The following ROBO1 variants were observed in gnomAD, a reference collection of about 807,000 sequenced individuals.
ROBO1 encodes roundabout guidance receptor 1.
In ROBO1, 149 loss-of-function variants were observed where a neutral mutation model predicts 195.9. That is an observed-to-expected ratio of 0.76 (90% CI 0.67 to 0.87). The LOEUF (loss-of-function observed/expected upper bound fraction) is 0.87, where lower values mean the gene tolerates loss of function less well. Ranked by LOEUF, ROBO1 falls within the 40% of genes least tolerant of loss-of-function variation. The pLI is 0.00. For synonymous variants in ROBO1, 816 were observed against 733.2 expected, an observed-to-expected ratio of 1.11 and a Z score of -1.82; for missense variants, 1,933 against 2,068.3, an observed-to-expected ratio of 0.93 and a Z score of 1.27.
At chr3:79,722,344 A>G (rs760892609) in intron 1 of ROBO1, among the ~76,000 whole-genome samples, 6 of 152,328 alleles carry the variant, frequency 3.9e-5, no homozygotes, top group Non-Finnish European at 7.3e-5. Flanking sequence ...ATTTCCAGCT[A>G]TCATTTTATT....
chr3:78,774,117 G>A (rs1452801104), intron 4 of ROBO1, among the ~76,000 whole-genome samples: 5 of 152,202 alleles, frequency 3.3e-5, no homozygotes, highest in Non-Finnish European at 7.3e-5. Context: ...AGCAGGATAT[G>A]TGAAATTCCT....
At position 78,876,847 on chromosome 3, in the gene ROBO1, A is replaced by G. The variant is rs78669261; in HGVS notation, c.499+61754T>C. On this transcript the variant is annotated intron_variant, in intron 4 of 30. Transcript: ENST00000464233. ...AATAGATACGTGAAGACTCTAAACC[A>G]AAGGTGTATCTTTAAAATTCCACTA... 6.6e-3 allele frequency among the ~76,000 whole-genome samples: 1,011 copies of G among 152,264 alleles called. 14 individuals carry two copies. Among genetic ancestry groups the G allele is most frequent in the African/African-American group, 0.023 (963 of 41,560 alleles).
chr3:79,623,660 AGAAAT>A (rs2107989777), intron 1 of ROBO1, among the ~76,000 whole-genome samples: 1 of 152,280 alleles, frequency 6.6e-6, no homozygotes, highest in South Asian at 2.1e-4. Context: ...AAGAATGAAA[AGAAAT>A]GAACAAAGAC....
At chr3:79,625,542 C>T (rs1294172632) in intron 1 of ROBO1, among the ~76,000 whole-genome samples, 1 of 151,094 alleles carries the variant, frequency 6.6e-6, no homozygotes, top group East Asian at 2.0e-4. Flanking sequence ...ACTGATCACA[C>T]AGTAATACAA....
chr3:79,491,995 G>A (rs564284216), intron 2 of ROBO1, among the ~76,000 whole-genome samples: 75 of 151,846 alleles, frequency 4.9e-4, no homozygotes, highest in African/African-American at 1.8e-3. Flanking sequence ...AACATTCCGG[G>A]CTACTGGTTA....
At chr3:79,210,400 T>C (rs1352320097) in intron 2 of ROBO1, among the ~76,000 whole-genome samples, 4 of 151,956 alleles carry the variant, frequency 2.6e-5, no homozygotes, top group Non-Finnish European at 4.4e-5. Flanking sequence ...ACAAAGCATA[T>C]AAGATTAAAG....
At chr3:79,339,607 T>A (rs972606885) in intron 2 of ROBO1, among the ~76,000 whole-genome samples, 2 of 152,176 alleles carry the variant, frequency 1.3e-5, no homozygotes, top group African/African-American at 4.8e-5. Flanking sequence ...TACTTTGTAG[T>A]TCTCTTTCCT....
chr3:79,619,777 G>T (rs985103049), intron 1 of ROBO1, among the ~76,000 whole-genome samples: 2 of 152,026 alleles, frequency 1.3e-5, no homozygotes, highest in African/African-American at 2.4e-5. Flanking sequence ...TACCACCCTA[G>T]ACCCAGAGGG....
Position 79,751,962 on chromosome 3 carries a change from A to G in ROBO1, c.-51+15790T>C, listed in dbSNP as rs115843243. Reference sequence around the variant, plus strand: ...CAGTCATCCATTCAACAAAGTTAAGAATGTAATTATCACCTGTAGCAGGCA... The same window carrying G: ...CAGTCATCCATTCAACAAAGTTAAGGATGTAATTATCACCTGTAGCAGGCA... On this transcript the variant is annotated intron_variant, in intron 1 of 30. Coordinates refer to ENST00000464233, the MANE Select transcript of ROBO1 (RefSeq NM_002941.4). 3.5e-3 allele frequency among the ~76,000 whole-genome samples: 535 copies of G among 152,276 alleles called. 1 individual carries two copies. The highest frequency in any genetic ancestry group is 0.011 in the African/African-American group (439 of 41,568).
chr3:79,182,708 A>T (rs140758601), intron 2 of ROBO1, among the ~76,000 whole-genome samples: 106 of 152,314 alleles, frequency 7.0e-4, no homozygotes, highest in African/African-American at 2.4e-3. Flanking sequence ...TAAGTGAGAA[A>T]TGTAGGTCCT....
chr3:79,374,222 C>T (rs1437927882), intron 2 of ROBO1, among the ~76,000 whole-genome samples: 3 of 152,118 alleles, frequency 2.0e-5, no homozygotes, highest in Non-Finnish European at 4.4e-5. Flanking sequence ...ATTCCTATAA[C>T]AGTTTCAAAT....
chr3:78,667,791 C>A, intron 14 of ROBO1, 92 bp downstream of exon 14: 1 of 1,294,804 alleles, frequency 7.7e-7, no homozygotes. Context: ...TGTAAATGTA[C>A]AATTCTAGCA....
intron 3 of ROBO1, among the ~76,000 whole-genome samples, chr3:79,026,315 G>A (rs545211963): frequency 2.6e-5 from 4 of 152,146 alleles, no homozygotes; most frequent in African/African-American, 9.6e-5. Context: ...AATTTGAACT[G>A]TGAGGTGCAA....
At chr3:79,460,580 T>C (rs1035466425) in intron 2 of ROBO1, among the ~76,000 whole-genome samples, 2 of 152,120 alleles carry the variant, frequency 1.3e-5, no homozygotes, top group African/African-American at 4.8e-5. Context: ...TAGCATCAGA[T>C]AAAGCACTTA....
chr3:79,383,790 A>T (rs2036647401), intron 2 of ROBO1, among the ~76,000 whole-genome samples: 2 of 152,034 alleles, frequency 1.3e-5, no homozygotes, highest in South Asian at 4.1e-4. Flanking sequence ...GTTTCATTAG[A>T]TGAATTGCCA....
At chr3:79,603,601 A>G (rs967391780) in intron 1 of ROBO1, among the ~76,000 whole-genome samples, 2 of 151,948 alleles carry the variant, frequency 1.3e-5, no homozygotes, top group Non-Finnish European at 2.9e-5. Flanking sequence ...TCTCTCACCA[A>G]CAAAGAAATA....
chr3:79,389,878 T>C (rs1264711266), intron 2 of ROBO1, among the ~76,000 whole-genome samples: 7 of 152,146 alleles, frequency 4.6e-5, no homozygotes, highest in Non-Finnish European at 1.0e-4. Flanking sequence ...AACAAGATGC[T>C]TGGGACAGAT....
chr3:78,868,471 T>C (rs947796849), intron 4 of ROBO1, among the ~76,000 whole-genome samples: 9 of 152,190 alleles, frequency 5.9e-5, no homozygotes, highest in African/African-American at 2.2e-4. Flanking sequence ...AAAATGTTAT[T>C]GTCTTTTCTT....
chr3:79,654,207 A>G (rs1033769861), intron 1 of ROBO1, among the ~76,000 whole-genome samples: 2 of 152,042 alleles, frequency 1.3e-5, no homozygotes, highest in African/African-American at 4.8e-5. Flanking sequence ...ATTCATATGT[A>G]ATTAATCATT....
Sources: allele counts gnomAD v4.1 joint callset (sites outside exome capture counted in the v4.1 genomes callset), GRCh38; gene constraint gnomAD v4.1.1; transcripts MANE v1.5; gene names NCBI Gene and HGNC (gene_info 2026-07-23, HGNC 2026-07-21).